COL25A1: variants seen among roughly 807,000 people sequenced by gnomAD.
The protein encoded by COL25A1 is collagen type XXV alpha 1 chain.
COL25A1 carries 103 observed loss-of-function variants against 128.4 expected under a neutral mutation model. The observed-to-expected ratio is 0.80, with a 90% CI of 0.68 to 0.94. COL25A1 has a LOEUF of 0.94. Among genes scored for constraint, COL25A1 ranks in the 40% least tolerant of loss-of-function variants. COL25A1 has a pLI of 0.00. For missense variants in COL25A1, 745 were observed against 840.0 expected, an observed-to-expected ratio of 0.89 and a Z score of 1.40; for synonymous variants, 279 against 277.2, an observed-to-expected ratio of 1.01 and a Z score of -0.06.
intron 22 of COL25A1, 119 bp downstream of exon 22, chr4:108,862,382 A>G: frequency 1.3e-6 from 1 of 765,794 alleles, no homozygotes; most frequent in Admixed American, 1.9e-5. Context: ...TAAGTATTGC[A>G]GTTCCACTGT....
intron 19 of COL25A1, among the ~76,000 whole-genome samples, chr4:108,879,228 T>TA (rs1481423805): frequency 6.6e-6 from 1 of 152,220 alleles, no homozygotes; most frequent in Non-Finnish European, 1.5e-5. Context: ...CATACCCTCC[T>TA]AGTCCCCAAG....
Position 109,082,262 on chromosome 4 carries a change from T to C in COL25A1, c.368-32083A>G, listed in dbSNP as rs183871383. Among the ~76,000 whole-genome samples the C allele has an allele frequency of 2.4e-4, 36 of 152,360 alleles. No homozygotes were observed. In the East Asian group the frequency reaches 5.6e-3, roughly 24 times the overall value. ...TTAGCTGTTAAAAATAATCCTGCTATGAACATTTCTGTACAAGTTTTTGCA... is the reference window on the plus strand; with the variant it reads ...TTAGCTGTTAAAAATAATCCTGCTACGAACATTTCTGTACAAGTTTTTGCA... On this transcript the variant is annotated intron_variant, in intron 3 of 37. Coordinates refer to ENST00000399132, the MANE Select transcript of COL25A1 (RefSeq NM_198721.4).
At chr4:109,087,077 C>T (rs529284931) in intron 3 of COL25A1, among the ~76,000 whole-genome samples, 3 of 152,158 alleles carry the variant, frequency 2.0e-5, no homozygotes, top group Non-Finnish European at 2.9e-5. Context: ...GGGATGAATA[C>T]GGACCTGCCT....
chr4:108,845,361 G>C, intron 28 of COL25A1, 110 bp from the exon 29 acceptor site: 1 of 799,382 alleles, frequency 1.3e-6, no homozygotes, highest in Admixed American at 2.0e-5. Flanking sequence ...ATAATATTAT[G>C]CACTTGCTAC....
At chr4:109,127,692 A>G (rs1301261244) in intron 3 of COL25A1, among the ~76,000 whole-genome samples, 1 of 152,122 alleles carries the variant, frequency 6.6e-6, no homozygotes, top group Non-Finnish European at 1.5e-5. Flanking sequence ...AAGAAAAACC[A>G]AACTCGAGGG....
At chr4:109,223,402 C>A (rs1033571337) in intron 3 of COL25A1, among the ~76,000 whole-genome samples, 41 of 152,008 alleles carry the variant, frequency 2.7e-4, no homozygotes, top group African/African-American at 9.9e-4. Flanking sequence ...CACATTTCCC[C>A]CCCCCAAAAA....
chr4:109,177,385 T>C (rs529805856), intron 3 of COL25A1, among the ~76,000 whole-genome samples: 2 of 152,254 alleles, frequency 1.3e-5, no homozygotes, highest in South Asian at 4.2e-4. Flanking sequence ...TTGGGGAATG[T>C]TGGTAAAAAG....
chr4:108,844,434 G>T, intron 30 of COL25A1, 85 bp downstream of exon 30: 1 of 1,609,972 alleles, frequency 6.2e-7, no homozygotes, highest in Non-Finnish European at 8.5e-7. Flanking sequence ...AATACAAGCT[G>T]GCTGTTTAGA....
intron 3 of COL25A1, among the ~76,000 whole-genome samples, chr4:109,277,561 GAAC>G (rs1722960520): frequency 1.3e-5 from 2 of 152,162 alleles, no homozygotes; most frequent in Admixed American, 1.3e-4. Context: ...GAAAATATCA[GAAC>G]AACGTCCCCA....
chr4:108,845,043 G>T (rs926587786), intron 29 of COL25A1, 146 bp downstream of exon 29: 6 of 748,980 alleles, frequency 8.0e-6, no homozygotes, highest in Non-Finnish European at 1.4e-5. Context: ...AGGGCTGACG[G>T]ATGTTTCTTC....
intron 3 of COL25A1, among the ~76,000 whole-genome samples, chr4:109,180,310 A>G (rs1774506913): frequency 6.6e-6 from 1 of 152,190 alleles, no homozygotes; most frequent in Non-Finnish European, 1.5e-5. Context: ...TGCAGATAAC[A>G]AGTTAAATGC....
Position 108,861,931 on chromosome 4 carries a change from A to G in COL25A1, c.1197+570T>C, listed in dbSNP as rs377425572. 2.5e-4 allele frequency among the ~76,000 whole-genome samples: 38 copies of G among 152,276 alleles called. No homozygotes were observed. The South Asian group carries it at 7.9e-3, about 32-fold the overall frequency. ...TAACATTGATCATAATAAATTTGCT[A>G]TGAATGAAGCATTAATAATCTTTGC... On this transcript the variant is annotated intron_variant, in intron 22 of 37. Coordinates refer to ENST00000399132, the MANE Select transcript of COL25A1 (RefSeq NM_198721.4).
At chr4:109,127,152 A>G (rs1288138762) in intron 3 of COL25A1, among the ~76,000 whole-genome samples, 2 of 152,216 alleles carry the variant, frequency 1.3e-5, no homozygotes, top group East Asian at 3.8e-4. Flanking sequence ...ACACTGGCAC[A>G]GTATATTATT....
chr4:109,165,024 A>G (rs983977672), intron 3 of COL25A1, among the ~76,000 whole-genome samples: 1 of 152,200 alleles, frequency 6.6e-6, no homozygotes, highest in African/African-American at 2.4e-5. Flanking sequence ...AATGTTTGCA[A>G]CAAAAACTGT....
intron 37 of COL25A1, among the ~76,000 whole-genome samples, chr4:108,814,707 A>G (rs1237895318): frequency 6.6e-6 from 1 of 152,196 alleles, no homozygotes; most frequent in Non-Finnish European, 1.5e-5. Context: ...CGTCCTTGAC[A>G]TTGGGTGTAT....
chr4:109,095,522 C>CT (rs908648195), intron 3 of COL25A1, among the ~76,000 whole-genome samples: 2 of 152,146 alleles, frequency 1.3e-5, no homozygotes, highest in Admixed American at 1.3e-4. Flanking sequence ...GTGCACACTA[C>CT]TGGTGTGCAG....
rs115029191 is a variant in COL25A1, at chr4:109,093,407, G to T, written c.368-43228C>A. 3.8e-3 allele frequency among the ~76,000 whole-genome samples: 552 copies of T among 146,948 alleles called. 2 individuals are homozygous for T. Among genetic ancestry groups the T allele is most frequent in the African/African-American group, 0.014 (521 of 38,592 alleles). On this transcript the variant is annotated intron_variant, in intron 3 of 37. Coordinates refer to ENST00000399132, the MANE Select transcript of COL25A1 (RefSeq NM_198721.4). ...GGCCAAAGTGAAAGGGTCACTTGAG[G>T]CCAGGAGTTTGAGACCAGCCTGGGC... is the stretch of plus-strand genomic sequence containing the variant.
At chr4:108,902,519 T>C (rs1478494592) in intron 13 of COL25A1, among the ~76,000 whole-genome samples, 3 of 152,034 alleles carry the variant, frequency 2.0e-5, no homozygotes, top group African/African-American at 7.2e-5. Flanking sequence ...TTATTTGGTT[T>C]ATAGTCCCAC....
rs1475382088 is a variant in COL25A1, at chr4:109,048,510, TA to T, written c.413-336del. On this transcript the variant is annotated intron_variant, in intron 4 of 37. Coordinates refer to ENST00000399132, the MANE Select transcript of COL25A1 (RefSeq NM_198721.4). ...AAGTATGAATTATGAGAATATTTGG[TA>T]ATTTATGATAGACCAGTTATAGAGA... is the stretch of plus-strand genomic sequence containing the variant. 3.9e-5 allele frequency among the ~76,000 whole-genome samples: 6 copies of T among 152,312 alleles called. No homozygotes were observed. In the East Asian group the frequency reaches 1.2e-3, roughly 29 times the overall value.
Sources: allele counts gnomAD v4.1 joint callset (sites outside exome capture counted in the v4.1 genomes callset), GRCh38; gene constraint gnomAD v4.1.1; transcripts MANE v1.5; gene names NCBI Gene and HGNC (gene_info 2026-07-23, HGNC 2026-07-21).